The following RASSF3 variants were observed in gnomAD, a reference collection of about 807,000 sequenced individuals.
RASSF3 encodes the protein ras association domain-containing protein 3.
A neutral mutation model predicts 19.9 loss-of-function variants in RASSF3; 19 were observed. That is an observed-to-expected ratio of 0.96 (90% CI 0.67 to 1.40). RASSF3 has a LOEUF of 1.40. RASSF3 is among the 40% of genes most tolerant of loss of function. The probability of loss-of-function intolerance (pLI) is 0.00; values close to 1 mark genes in which losing one functional copy is unlikely to be tolerated. For missense variants in RASSF3, 306 were observed against 289.8 expected, an observed-to-expected ratio of 1.06 and a Z score of -0.41; for synonymous variants, 110 against 104.2, an observed-to-expected ratio of 1.06 and a Z score of -0.34.
intron 1 of RASSF3, among the ~76,000 whole-genome samples, chr12:64,619,382 G>A (rs1353382787): frequency 6.6e-6 from 1 of 151,820 alleles, no homozygotes; most frequent in Non-Finnish European, 1.5e-5. Context: ...TGGCATTCTC[G>A]GTGCAACTCT....
chr12:64,636,196 A>C (rs1344018385), intron 1 of RASSF3, among the ~76,000 whole-genome samples: 1 of 151,188 alleles, frequency 6.6e-6, no homozygotes, highest in East Asian at 2.0e-4. Context: ...TGCTTACTTC[A>C]ACCCCCGCTT....
chr12:64,662,158 C>A (rs1460950856), intron 1 of RASSF3, among the ~76,000 whole-genome samples: 1 of 151,784 alleles, frequency 6.6e-6, no homozygotes, highest in Non-Finnish European at 1.5e-5. Flanking sequence ...GTGGCTAACA[C>A]CTGTAATCCT....
chr12:64,648,488 C>T (rs1038172372), intron 1 of RASSF3, among the ~76,000 whole-genome samples: 1 of 149,400 alleles, frequency 6.7e-6, no homozygotes, highest in East Asian at 2.0e-4. Flanking sequence ...GGTTAACCAG[C>T]GGTGGGTGTG....
intron 1 of RASSF3, among the ~76,000 whole-genome samples, chr12:64,620,868 A>G (rs1198392166): frequency 6.6e-6 from 1 of 152,210 alleles, no homozygotes; most frequent in East Asian, 1.9e-4. Context: ...TCATTAAAAT[A>G]GAGAAAAAAA....
chr12:64,532,589 G>A (rs987062269), upstream of RASSF3, among the ~76,000 whole-genome samples: 3 of 152,102 alleles, frequency 2.0e-5, no homozygotes, highest in South Asian at 2.1e-4. Context: ...ATGGGAGGCC[G>A]AGGTGGGAGG....
intron 1 of RASSF3, among the ~76,000 whole-genome samples, chr12:64,519,667 T>C (rs1447374035): frequency 1.3e-5 from 2 of 152,088 alleles, no homozygotes; most frequent in Non-Finnish European, 2.9e-5. Flanking sequence ...TGTCCCAACC[T>C]GAAGTTGGGA....
chr12:64,539,985 C>A (rs1868907520), intron 1 of RASSF3, among the ~76,000 whole-genome samples: 1 of 152,068 alleles, frequency 6.6e-6, no homozygotes, highest in South Asian at 2.1e-4. Context: ...ACTCATAGCC[C>A]ATAGAATGGT....
chr12:64,530,585 T>G (rs372890494), upstream of RASSF3, among the ~76,000 whole-genome samples: 5 of 152,234 alleles, frequency 3.3e-5, no homozygotes, highest in Non-Finnish European at 2.9e-5. Context: ...TGGTTAAATA[T>G]GTAGGAGTAG....
In RASSF3 at chr12:64,695,115, C is replaced by G. The variant is rs1167888808; in HGVS notation, c.*203C>G. 3.8e-6 allele frequency: 2 copies of G among 531,984 alleles called. No individual in the cohort carries two copies. The highest frequency in any genetic ancestry group is 5.8e-5 in the East Asian group (2 of 34,194). 33.0% of individuals were successfully genotyped at this position (531,984 alleles called of 1,614,324 possible). ...TAAGGGACTCTGCAAGCTTGTTGTT[C>G]AGCACCGCAGTGTTACCTCTTGGCA... is the stretch of plus-strand genomic sequence containing the variant. On this transcript the variant is annotated 3_prime_UTR_variant, in exon 5 of 5. Coordinates refer to ENST00000542104, the MANE Select transcript of RASSF3 (RefSeq NM_178169.4).
chr12:64,515,863 T>C (rs1868360831), intron 1 of RASSF3, among the ~76,000 whole-genome samples: 2 of 152,230 alleles, frequency 1.3e-5, no homozygotes, highest in East Asian at 1.9e-4. Flanking sequence ...ACTAGGGCCT[T>C]TCAAGCTAGA....
chr12:64,573,332 CT>C (rs1195216139), intron 2 of RASSF3, among the ~76,000 whole-genome samples: 2 of 152,142 alleles, frequency 1.3e-5, no homozygotes, highest in African/African-American at 4.8e-5. Flanking sequence ...AACAAAAACA[CT>C]TTTCATCTAA....
rs535866256 is a variant in RASSF3, at chr12:64,526,552, A to T, written c.170-15029A>T. Reference sequence around the variant, plus strand: ...TTAAAAAATGAGTTGTTTTTTTTTTAAATTTTTTAAAGACAGGGTCTTGCT... The same window carrying T: ...TTAAAAAATGAGTTGTTTTTTTTTTTAATTTTTTAAAGACAGGGTCTTGCT... On this transcript the variant is annotated intron_variant, in intron 1 of 5. Coordinates refer to the RASSF3 transcript ENST00000637125. Among the ~76,000 whole-genome samples, 207 of 151,386 alleles carry T rather than the reference A, an allele frequency of 1.4e-3. 1 individual carries two copies. The highest frequency in any genetic ancestry group is 6.8e-3 in the Middle Eastern group (2 of 294).
At chr12:64,540,206 T>G (rs1274220157) in intron 1 of RASSF3, among the ~76,000 whole-genome samples, 2 of 152,238 alleles carry the variant, frequency 1.3e-5, no homozygotes, top group African/African-American at 4.8e-5. Context: ...GAGTTCTTTC[T>G]TAAGACGGCT....
chr12:64,514,520 G>T lies in RASSF3; in HGVS notation c.169+7191G>T, dbSNP rs192691019. On this transcript the variant is annotated intron_variant, in intron 1 of 5. Coordinates refer to the RASSF3 transcript ENST00000637125. ...TTAAATTTAAATGAAGTAGTGTTTC[G>T]ATAGGTGCAAAGCAGGGCTGTGTGG... Among the ~76,000 whole-genome samples, 109 of 152,144 alleles carry T rather than the reference G, an allele frequency of 7.2e-4. 1 individual carries two copies. Among genetic ancestry groups the T allele is most frequent in the East Asian group, 1.7e-3 (9 of 5,182 alleles).
At chr12:64,620,642 A>C (rs1464664633) in intron 1 of RASSF3, among the ~76,000 whole-genome samples, 1 of 152,188 alleles carries the variant, frequency 6.6e-6, no homozygotes, top group Non-Finnish European at 1.5e-5. Context: ...CAAATATTGG[A>C]AAATGTGGAG....
intron 1 of RASSF3, among the ~76,000 whole-genome samples, chr12:64,674,889 C>T (rs184203344): frequency 1.0e-3 from 159 of 152,030 alleles, no homozygotes; most frequent in Non-Finnish European, 1.9e-3. Flanking sequence ...TGGTACACTT[C>T]GGTTTTCTGT....
At chr12:64,542,988 CGTGG>C (rs960024416), downstream of RASSF3, among the ~76,000 whole-genome samples, 19 of 151,384 alleles carry the variant, frequency 1.3e-4, no homozygotes, top group African/African-American at 4.6e-4. Context: ...TCCGGGTGGG[CGTGG>C]GCTTGGCGGG....
intron 1 of RASSF3, among the ~76,000 whole-genome samples, 174 bp from the exon 2 acceptor site, chr12:64,684,613 T>C (rs1873274572): frequency 6.6e-6 from 1 of 151,906 alleles, no homozygotes; most frequent in South Asian, 2.1e-4. Context: ...GTAATTTTAG[T>C]AGAGACAGGG....
intron 1 of RASSF3, among the ~76,000 whole-genome samples, chr12:64,518,283 T>C (rs996717952): frequency 6.6e-5 from 10 of 152,112 alleles, no homozygotes; most frequent in African/African-American, 2.2e-4. Flanking sequence ...ATAAAGAAAA[T>C]ACCTGAGGCT....
Sources: allele counts gnomAD v4.1 joint callset (sites outside exome capture counted in the v4.1 genomes callset), GRCh38; gene constraint gnomAD v4.1.1; transcripts MANE v1.5; gene names NCBI Gene and HGNC (gene_info 2026-07-23, HGNC 2026-07-21).